ZNF575: variants seen among roughly 807,000 people sequenced by gnomAD.
ZNF575 encodes the protein zinc finger protein 575.
A neutral mutation model predicts 17.5 loss-of-function variants in ZNF575; 17 were observed. That is an observed-to-expected ratio of 0.97 (90% CI 0.66 to 1.45). ZNF575 has a LOEUF of 1.45. Ranked by LOEUF, ZNF575 falls within the 40% of genes most tolerant of loss-of-function variation. ZNF575 has a pLI of 0.00. For synonymous variants in ZNF575, 146 were observed against 158.3 expected (o/e 0.92, Z 0.58); for missense variants, 352 against 359.2 (o/e 0.98, Z 0.16).
intron 3 of ZNF575, 113 bp downstream of exon 3, chr19:43,534,614 T>C: frequency 9.5e-7 from 1 of 1,055,972 alleles, no homozygotes; most frequent in Non-Finnish European, 1.3e-6. Flanking sequence ...GTGATGACTA[T>C]TTGGGATCCC....
At position 43,535,245 on chromosome 19, in the gene ZNF575, C is replaced by CAG; in HGVS notation, c.296_297insAG (p.Phe100AlafsTer164). 1 of 1,612,120 alleles carries CAG rather than the reference C, an allele frequency of 6.2e-7. No individual in the cohort carries two copies. Among genetic ancestry groups the CAG allele is most frequent in the Non-Finnish European group, 8.5e-7 (1 of 1,179,290 alleles). On this transcript the variant is annotated frameshift_variant, in exon 4 of 4. Transcript: ENST00000314228. LOFTEE classifies it high-confidence loss of function. ...CACCCATGCCCAGACTGCCCCAAGGCCTTCTCCTACCCCTCCAAGCTGGCA... is the reference window on the plus strand; with the variant it reads ...CACCCATGCCCAGACTGCCCCAAGGCAGCTTCTCCTACCCCTCCAAGCTGGCA...
At chr19:43,534,179 AACCCTGGGTTTAGATAGCG>A (rs1972381448) in intron 2 of ZNF575, 139 bp from the exon 3 acceptor site, 1 of 533,156 alleles carries the variant, frequency 1.9e-6, no homozygotes, top group African/African-American at 2.0e-5. Flanking sequence ...GAAAGACTCC[AACCCTGGGTTTAGATAGCG>A]AAGGGACTGC....
rs191722249 is a variant in ZNF575 at position 43,535,829 on chromosome 19, C to G, written c.*142C>G. On this transcript the variant is annotated 3_prime_UTR_variant, in exon 4 of 4. Coordinates refer to ENST00000314228, the MANE Select transcript of ZNF575 (RefSeq NM_174945.3). ...AGGGATTGGCCATTTATACTGGGCT[C>G]GAGCTCAGAAGCCCGAGGAACTCTT... The G allele has an allele frequency of 1.2e-5, 12 of 965,038 alleles. No homozygotes were observed. The highest frequency in any genetic ancestry group is 6.9e-5 in the South Asian group (4 of 57,774). The allele number at this position is 965,038 out of a possible 1,614,324, so 59.8% of individuals were successfully genotyped here. A position where few individuals can be genotyped will look rare whatever the true frequency, so the allele number is the denominator to read the frequency against.
At chr19:43,531,549 T>G (rs1261655326), upstream of ZNF575, among the ~76,000 whole-genome samples, 1 of 151,988 alleles carries the variant, frequency 6.6e-6, no homozygotes, top group Non-Finnish European at 1.5e-5. Flanking sequence ...GCCACTGCAC[T>G]CCAGCCTGGG....
rs1468490016 is a variant in ZNF575, at chr19:43,535,031, C to G, written c.82C>G (p.Pro28Ala). The G allele has an allele frequency of 1.9e-5, 28 of 1,448,864 alleles. No homozygotes were observed. Among genetic ancestry groups the G allele is most frequent in the Non-Finnish European group, 2.5e-5 (28 of 1,113,230 alleles). The allele number at this position is 1,448,864 out of a possible 1,614,324, so 89.8% of individuals were successfully genotyped here. Residue 28 changes from proline (P) to alanine (A), a missense_variant and splice_region_variant, in exon 4 of 4, where the codon CCC (proline) becomes GCC (alanine). Transcript: ENST00000314228. Reference protein sequence around the residue: ...TGKEPVTKEAPHQGPPQKPSQ... With the variant: ...TGKEPVTKEAAHQGPPQKPSQ... ...CCACCAGCCCTCCTGTCCCCCAGCT[C>G]CCCACCAGGGCCCACCGCAGAAGCC...
rs755093599 is a variant in ZNF575 at position 43,534,386 on chromosome 19, G to A, written c.-37G>A. 3.0e-5 allele frequency: 46 copies of A among 1,537,166 alleles called. No individual in the cohort carries two copies. The highest frequency in any genetic ancestry group is 3.9e-5 in the Non-Finnish European group (44 of 1,141,200). On this transcript the variant is annotated 5_prime_UTR_variant, in exon 3 of 4. Transcript: ENST00000314228. ...CCTGGTCATCACCGGCGTCACCCCCGCCCCGCGCCCTGCCCCTAGGTTCCT... is the reference window on the plus strand; with the variant it reads ...CCTGGTCATCACCGGCGTCACCCCCACCCCGCGCCCTGCCCCTAGGTTCCT...
chr19:43,530,932 T>G (rs916118819), upstream of ZNF575, among the ~76,000 whole-genome samples: 1 of 152,176 alleles, frequency 6.6e-6, no homozygotes, highest in African/African-American at 2.4e-5. Context: ...ATACCCTCAC[T>G]GGTCTTCTGG....
Position 43,535,188 on chromosome 19 carries a change from C to T in ZNF575, c.239C>T (p.Thr80Met), listed in dbSNP as rs754164879. 16 of 1,609,412 alleles carry T rather than the reference C, an allele frequency of 9.9e-6. No individual in the cohort carries two copies. Among genetic ancestry groups the T allele is most frequent in the Non-Finnish European group, 1.2e-5 (14 of 1,178,340 alleles). The change falls in exon 4 of 4, where the codon ACG (threonine) becomes ATG (methionine). Residue 80 changes from threonine to methionine, a missense_variant. Thr to Met is a moderately conservative substitution (Grantham distance 81). Coordinates refer to ENST00000314228, the MANE Select transcript of ZNF575 (RefSeq NM_174945.3). ...TTCTCGTACCCGTCCAAGCTGGCCA[C>T]GCACCGCTTAGCACACGGAGGCGCC... ...KAFSYPSKLA[T>M]HRLAHGGARP...
At chr19:43,531,382 G>A (rs1972341415), upstream of ZNF575, among the ~76,000 whole-genome samples, 1 of 152,156 alleles carries the variant, frequency 6.6e-6, no homozygotes, top group Non-Finnish European at 1.5e-5. Flanking sequence ...AGGAGATCGA[G>A]ACCAGCCTGG....
rs1972416268 is a variant in ZNF575 at position 43,535,987 on chromosome 19, G to A, written c.*300G>A. ...CTACTATCGTGGGTTGATGAGGATT[G>A]TGGGCAAACAGGCTCTCTTGTTAAA... On this transcript the variant is annotated 3_prime_UTR_variant, in exon 4 of 4. Transcript: ENST00000314228. 4 of 382,322 alleles carry A rather than the reference G, an allele frequency of 1.0e-5. No homozygotes were observed. Among genetic ancestry groups the A allele is most frequent in the Non-Finnish European group, 1.9e-5 (4 of 210,824 alleles). The allele number at this position is 382,322 out of a possible 1,614,324, so 23.7% of individuals were successfully genotyped here.
upstream of ZNF575, among the ~76,000 whole-genome samples, chr19:43,531,506 C>T (rs1421223388): frequency 2.0e-5 from 3 of 152,106 alleles, no homozygotes; most frequent in East Asian, 1.9e-4. Context: ...CGCTTGAACT[C>T]GGGAGGCAGA....
Position 43,535,760 on chromosome 19 carries a change from T to A in ZNF575, c.*73T>A. 1 of 1,467,204 alleles carries A rather than the reference T, an allele frequency of 6.8e-7. No individual in the cohort carries two copies. Among genetic ancestry groups the A allele is most frequent in the Non-Finnish European group, 9.1e-7 (1 of 1,101,766 alleles). The allele number at this position is 1,467,204 out of a possible 1,614,324, so 90.9% of individuals were successfully genotyped here. A position where few individuals can be genotyped will look rare whatever the true frequency, so the allele number is the denominator to read the frequency against. On this transcript the variant is annotated 3_prime_UTR_variant, in exon 4 of 4. Transcript: ENST00000314228. ...AAGAGGTGGGATTTCTAAGACCGAC[T>A]GTATGAGCTCGCCTCTTCCAGATAG...
chr19:43,531,820 CTG>C (rs1263671461), upstream of ZNF575: 2 of 690,312 alleles, frequency 2.9e-6, no homozygotes, highest in Non-Finnish European at 5.3e-6. Flanking sequence ...GGGTATCACT[CTG>C]TTGCGCAGGC....
rs1391265391 is a variant in ZNF575 at position 43,533,240 on chromosome 19, C to T, written c.-476C>T. 1.3e-5 allele frequency: 2 copies of T among 152,368 alleles called. No homozygotes were observed. Among genetic ancestry groups the T allele is most frequent in the African/African-American group, 4.8e-5 (2 of 41,472 alleles). 9.4% of individuals were successfully genotyped at this position (152,368 alleles called of 1,614,324 possible). ...TGCCTGGCTGGCGCACCCAGCCCCT[C>T]CTTCCATTCCTTCTTCCCCCTCTCT... On this transcript the variant is annotated 5_prime_UTR_variant, in exon 1 of 4. Transcript: ENST00000314228.
chr19:43,531,724 A>G (rs1972346478), upstream of ZNF575: 1 of 523,148 alleles, frequency 1.9e-6, no homozygotes, highest in African/African-American at 2.0e-5. Context: ...CTTCAGAATC[A>G]TTTGGGAAGA....
Position 43,533,801 on chromosome 19 carries a change from C to G in ZNF575, c.-188C>G, listed in dbSNP as rs1972375514. On this transcript the variant is annotated 5_prime_UTR_variant, in exon 2 of 4. Transcript: ENST00000314228. The stretch of plus-strand genomic sequence containing the variant: ...CTTCCGTATCTTCCTCCAGGTCCCC[C>G]CTCTATCCTCCACGGCCCCATCCAA... 1.3e-5 allele frequency: 2 copies of G among 152,800 alleles called. No homozygotes were observed. The allele number at this position is 152,800 out of a possible 1,614,324, so 9.5% of individuals were successfully genotyped here.
chr19:43,531,967 TTTA>T, upstream of ZNF575: 1 of 492,966 alleles, frequency 2.0e-6, no homozygotes, highest in Non-Finnish European at 3.6e-6. Context: ...TTTTTTTTTT[TTTA>T]AGATGGGGAG....
upstream of ZNF575, chr19:43,533,126 G>A (rs1014650012): frequency 6.6e-6 from 1 of 152,272 alleles, no homozygotes; most frequent in Non-Finnish European, 1.5e-5. Context: ...TCTTGTACAT[G>A]CTTGACTCCA....
rs751523841 is a variant in ZNF575 at position 43,534,461 on chromosome 19, C to T, written c.39C>T (p.Thr13=). 5.5e-5 allele frequency: 83 copies of T among 1,517,166 alleles called. No individual in the cohort carries two copies. The highest frequency in any genetic ancestry group is 6.8e-5 in the Non-Finnish European group (77 of 1,131,246). The allele number at this position is 1,517,166 out of a possible 1,614,324, so 94.0% of individuals were successfully genotyped here. The part of the protein sequence containing the change: ...ERGAESAAGA[T]DPSPTGKEPV... ...GCGCGGAGTCCGCGGCCGGGGCTAC[C>T]GATCCTAGTCCCACTGGCAAGGAAC... The change falls in exon 3 of 4, where the codon ACC becomes ACT. Residue 13 remains threonine, a synonymous_variant. Coordinates refer to ENST00000314228, the MANE Select transcript of ZNF575 (RefSeq NM_174945.3).
Sources: gnomAD v4.1 joint callset for allele counts (sites outside exome capture counted in the v4.1 genomes callset) on GRCh38, gnomAD v4.1.1 for gene constraint, MANE v1.5 for transcripts, NCBI Gene and HGNC (gene_info 2026-07-23, HGNC 2026-07-21) for gene names.